PPFIBP1: variants seen among roughly 807,000 people sequenced by gnomAD.
PPFIBP1 encodes liprin-beta-1.
In PPFIBP1, 112 loss-of-function variants were observed where a neutral mutation model predicts 137.8. The ratio of observed to expected loss-of-function variants is 0.81; its 90% CI spans 0.70 to 0.95. The LOEUF is 0.95. Ranked by LOEUF, PPFIBP1 falls within the 40% of genes least tolerant of loss-of-function variation. The probability of loss-of-function intolerance (pLI) is 0.00; values close to 1 mark genes in which losing one functional copy is unlikely to be tolerated. For synonymous variants in PPFIBP1, 378 were observed against 417.3 expected, an observed-to-expected ratio of 0.91 and a Z score of 1.15; for missense variants, 1,083 against 1,196.6, an observed-to-expected ratio of 0.91 and a Z score of 1.40.
chr12:27,538,244 A>C (rs1368158056), intron 1 of PPFIBP1: 1 of 152,154 alleles, frequency 6.6e-6, no homozygotes, highest in Non-Finnish European at 1.5e-5. Flanking sequence ...CATCAGGAAA[A>C]CTTAGCTGAC....
intron 7 of PPFIBP1, 23 bp downstream of exon 7, chr12:27,650,164 C>CCTCT (rs367885450): frequency 2.0e-6 from 3 of 1,519,326 alleles, no homozygotes; most frequent in African/African-American, 1.4e-5. Context: ...GTCTCTCCTC[C>CCTCT]CTCTCTCTCT....
chr12:27,669,403 G>A (rs2060045919), intron 13 of PPFIBP1, among the ~76,000 whole-genome samples: 1 of 152,174 alleles, frequency 6.6e-6, no homozygotes, highest in Admixed American at 6.5e-5. Flanking sequence ...GTTACATGTA[G>A]GGTATATCCA....
chr12:27,612,926 A>ACATCATCATCATCATCATCAT (rs71039826), intron 2 of PPFIBP1, among the ~76,000 whole-genome samples: 4 of 148,902 alleles, frequency 2.7e-5, no homozygotes, highest in Non-Finnish European at 5.9e-5. Flanking sequence ...TAGATAATAC[A>ACATCATCATCATCATCATCAT]CATCATCATC....
At chr12:27,591,761 C>T (rs1394208641) in intron 2 of PPFIBP1, among the ~76,000 whole-genome samples, 3 of 152,188 alleles carry the variant, frequency 2.0e-5, no homozygotes, top group South Asian at 2.1e-4. Context: ...TGTTCACAGT[C>T]GTCACATTGC....
chr12:27,660,845 T>C (rs761205335), intron 10 of PPFIBP1, 39 bp from the exon 11 acceptor site: 1 of 1,605,532 alleles, frequency 6.2e-7, no homozygotes, highest in South Asian at 1.1e-5. Flanking sequence ...CTGTCACACA[T>C]GTGAACTGAA....
intron 1 of PPFIBP1, among the ~76,000 whole-genome samples, chr12:27,544,123 C>T (rs1945971589): frequency 6.6e-6 from 1 of 152,064 alleles, no homozygotes; most frequent in African/African-American, 2.4e-5. Context: ...CTCAAGTGAT[C>T]CTTCTGTCTC....
chr12:27,559,731 C>A (rs1370200381), intron 1 of PPFIBP1, among the ~76,000 whole-genome samples: 6 of 152,256 alleles, frequency 3.9e-5, no homozygotes, highest in East Asian at 1.9e-4. Flanking sequence ...TATAGTTATA[C>A]CTCTTGGCAT....
At chr12:27,600,881 CAT>C (rs1476463412) in intron 2 of PPFIBP1, among the ~76,000 whole-genome samples, 2 of 152,094 alleles carry the variant, frequency 1.3e-5, no homozygotes, top group Non-Finnish European at 2.9e-5. Flanking sequence ...GGTACGATGT[CAT>C]ATTTGGATAC....
In PPFIBP1 at chr12:27,687,493, C is replaced by T. The variant is rs1386926417; in HGVS notation, c.2356C>T (p.Arg786Trp). ...CTTTGAACCAAACTGTCTACGGAGG[C>T]GGCCATCTGATGAGGTAGTGTTTTA... ...NNFEPNCLRR[R>W]PSDENTIAPS... is the part of the protein sequence containing the mutation. The change falls in exon 25 of 30, where the codon CGG (arginine) becomes TGG (tryptophan). Residue 786 changes from arginine to tryptophan, a missense_variant. Coordinates refer to ENST00000228425, the MANE Select transcript of PPFIBP1 (RefSeq NM_003622.4). The T allele has an allele frequency of 6.2e-6, 10 of 1,613,626 alleles. No homozygotes were observed. Among genetic ancestry groups the T allele is most frequent in the South Asian group, 1.1e-5 (1 of 91,046 alleles).
chr12:27,624,328 T>C (rs2056619887), intron 2 of PPFIBP1, among the ~76,000 whole-genome samples: 1 of 152,226 alleles, frequency 6.6e-6, no homozygotes. Flanking sequence ...GTCATAACAA[T>C]AGCTAGTAAG....
At chr12:27,545,718 G>A (rs1226081147) in intron 1 of PPFIBP1, among the ~76,000 whole-genome samples, 1 of 152,220 alleles carries the variant, frequency 6.6e-6, no homozygotes, top group Non-Finnish European at 1.5e-5. Flanking sequence ...CTTGGCAAGA[G>A]TAAAATCCTC....
At chr12:27,641,879 AC>A (rs1482811747) in intron 4 of PPFIBP1, among the ~76,000 whole-genome samples, 9 of 151,966 alleles carry the variant, frequency 5.9e-5, no homozygotes, top group Non-Finnish European at 8.8e-5. Flanking sequence ...GGCAGTGGCA[AC>A]CCCCTTTGGG....
intron 3 of PPFIBP1, among the ~76,000 whole-genome samples, chr12:27,633,864 GTC>G (rs2057444416): frequency 7.4e-6 from 1 of 135,132 alleles, no homozygotes; most frequent in Non-Finnish European, 1.5e-5. Flanking sequence ...TTGAGATGGA[GTC>G]TCTCTCTGTT....
intron 1 of PPFIBP1, among the ~76,000 whole-genome samples, chr12:27,565,916 T>C (rs1475633257): frequency 7.3e-6 from 1 of 136,828 alleles, no homozygotes; most frequent in East Asian, 2.2e-4. Context: ...CACTTTTCCT[T>C]CTTAAATAGC....
At chr12:27,588,135 A>G (rs2052015854) in intron 2 of PPFIBP1, among the ~76,000 whole-genome samples, 1 of 152,246 alleles carries the variant, frequency 6.6e-6, no homozygotes, top group Non-Finnish European at 1.5e-5. Context: ...TAGCAAGTGT[A>G]CATTGCTTCT....
At chr12:27,664,475 C>T in intron 12 of PPFIBP1, 29 bp downstream of exon 12, 1 of 1,497,060 alleles carries the variant, frequency 6.7e-7, no homozygotes, top group Non-Finnish European at 9.3e-7. Context: ...AGTTTTTCTA[C>T]TTTGGTTGAC....
At chr12:27,566,206 C>T (rs1234847519) in intron 1 of PPFIBP1, among the ~76,000 whole-genome samples, 1 of 151,968 alleles carries the variant, frequency 6.6e-6, no homozygotes, top group Non-Finnish European at 1.5e-5. Context: ...CATAGGATAC[C>T]TCTGATACCG....
At chr12:27,638,635 C>A (rs1244640987) in intron 4 of PPFIBP1, among the ~76,000 whole-genome samples, 2 of 152,082 alleles carry the variant, frequency 1.3e-5, no homozygotes, top group Non-Finnish European at 2.9e-5. Context: ...AAGAGCAGAG[C>A]ATAGAGAGTA....
At chr12:27,645,241 G>A (rs746557994) in intron 4 of PPFIBP1, among the ~76,000 whole-genome samples, 10 of 152,220 alleles carry the variant, frequency 6.6e-5, no homozygotes, top group Non-Finnish European at 1.3e-4. Flanking sequence ...GTTATGTTGA[G>A]ATTATGAGAG....
Sources: allele counts gnomAD v4.1 joint callset (sites outside exome capture counted in the v4.1 genomes callset), GRCh38; gene constraint gnomAD v4.1.1; transcripts MANE v1.5; gene names NCBI Gene and HGNC (gene_info 2026-07-23, HGNC 2026-07-21).